The following DAAM1 variants were observed in gnomAD, a reference collection of about 807,000 sequenced individuals.
DAAM1 encodes the protein dishevelled associated activator of morphogenesis 1.
A neutral mutation model predicts 130.0 loss-of-function variants in DAAM1; 52 were observed. The ratio of observed to expected loss-of-function variants is 0.40; its 90% confidence interval spans 0.32 to 0.50. The LOEUF is 0.50. DAAM1 is among the 20% of genes least tolerant of loss of function. The pLI is 0.61. For synonymous variants in DAAM1, 452 were observed against 444.5 expected (o/e 1.02, Z -0.21); for missense variants, 1,134 against 1,303.8 (o/e 0.87, Z 2.01).
intron 16 of DAAM1, among the ~76,000 whole-genome samples, chr14:59,343,488 CT>C (rs146320142): frequency 0.05 from 7,671 of 152,282 alleles, 243 homozygotes; most frequent in Middle Eastern, 0.082. Context: ...TTCCCAGAGA[CT>C]GGTGAACTTC....
intron 23 of DAAM1, among the ~76,000 whole-genome samples, chr14:59,364,478 T>C (rs574597872): frequency 6.6e-6 from 1 of 152,270 alleles, no homozygotes; most frequent in South Asian, 2.1e-4. Flanking sequence ...TCAGGTTGTT[T>C]CCTCTTCCAA....
At chr14:59,192,825 G>A (rs1204070044) in intron 1 of DAAM1, among the ~76,000 whole-genome samples, 3 of 152,328 alleles carry the variant, frequency 2.0e-5, no homozygotes, top group African/African-American at 4.8e-5. Context: ...AGGCCAAGTC[G>A]GGAGGATCAT....
chr14:59,196,054 C>T (rs1770518), intron 1 of DAAM1, among the ~76,000 whole-genome samples: 19,388 of 152,128 alleles, frequency 0.13, 1,399 homozygotes, highest in Middle Eastern at 0.2. Context: ...GCTAAGGAAC[C>T]GTATGCTTCT....
At chr14:59,209,747 A>G (rs1326366602) in intron 1 of DAAM1, among the ~76,000 whole-genome samples, 3 of 152,186 alleles carry the variant, frequency 2.0e-5, no homozygotes, top group African/African-American at 4.8e-5. Context: ...AGTGTTATCA[A>G]CATACAATGG....
chr14:59,278,749 C>T (rs1883082730), intron 2 of DAAM1, among the ~76,000 whole-genome samples: 1 of 152,058 alleles, frequency 6.6e-6, no homozygotes, highest in African/African-American at 2.4e-5. Context: ...ATGTAACTTT[C>T]AAAGAAAGGA....
intron 3 of DAAM1, among the ~76,000 whole-genome samples, chr14:59,292,267 G>A (rs1486237024): frequency 6.6e-6 from 1 of 152,180 alleles, no homozygotes; most frequent in Non-Finnish European, 1.5e-5. Context: ...AGGGAAACAG[G>A]AACAAACTAT....
At chr14:59,243,255 A>G (rs1881208777) in intron 1 of DAAM1, among the ~76,000 whole-genome samples, 1 of 152,050 alleles carries the variant, frequency 6.6e-6, no homozygotes, top group African/African-American at 2.4e-5. Flanking sequence ...AGCTTTCTTC[A>G]CTGCTTTGTG....
At chr14:59,286,964 G>A (rs1439965109) in intron 2 of DAAM1, among the ~76,000 whole-genome samples, 2 of 152,016 alleles carry the variant, frequency 1.3e-5, no homozygotes, top group Non-Finnish European at 1.5e-5. Flanking sequence ...ACCAAAGACT[G>A]GCAGAGACAC....
At chr14:59,346,142 G>A (rs1044404368) in intron 16 of DAAM1, among the ~76,000 whole-genome samples, 3 of 129,480 alleles carry the variant, frequency 2.3e-5, no homozygotes, top group Admixed American at 7.2e-5. Context: ...TTTTTTTGGG[G>A]GGGGGGGGGT....
chr14:59,256,665 G>A (rs768929823), intron 1 of DAAM1, among the ~76,000 whole-genome samples: 8 of 152,178 alleles, frequency 5.3e-5, no homozygotes, highest in Non-Finnish European at 1.0e-4. Flanking sequence ...CTCTTCCTCA[G>A]GCTGATCTGA....
At chr14:59,216,902 G>A (rs577183550) in intron 1 of DAAM1, among the ~76,000 whole-genome samples, 2 of 125,908 alleles carry the variant, frequency 1.6e-5, no homozygotes, top group South Asian at 6.0e-4. Context: ...TATATACTAT[G>A]TGTATGTCTA....
chr14:59,330,816 A>C lies in DAAM1; in HGVS notation c.1560+128A>C, dbSNP rs1885399210. 4 of 978,030 alleles carry C rather than the reference A, an allele frequency of 4.1e-6. No individual in the cohort carries two copies. In the East Asian group the frequency reaches 8.2e-5, roughly 20 times the overall value. The allele number at this position is 978,030 out of a possible 1,614,324, so 60.6% of individuals were successfully genotyped here. On this transcript the variant is annotated intron_variant, in intron 13 of 24. Transcript: ENST00000360909. ...AAATGGCTCATGATTCATCACAATT[A>C]GGAGACTCACTCCCTCTGCTATCAT...
chr14:59,327,579 T>C (rs1430241760), intron 12 of DAAM1, among the ~76,000 whole-genome samples: 1 of 151,942 alleles, frequency 6.6e-6, no homozygotes, highest in Non-Finnish European at 1.5e-5. Flanking sequence ...GGCTAATTTT[T>C]TGTATTTTTA....
chr14:59,352,956 T>G (rs12878070), intron 18 of DAAM1, among the ~76,000 whole-genome samples: 58,846 of 149,824 alleles, frequency 0.39, 13,541 homozygotes, highest in East Asian at 0.84. Flanking sequence ...GTCTCATACT[T>G]CCAAGTAGCT....
At chr14:59,364,845 A>G (rs1250470729) in intron 23 of DAAM1, among the ~76,000 whole-genome samples, 1 of 150,424 alleles carries the variant, frequency 6.6e-6, no homozygotes, top group Non-Finnish European at 1.5e-5. Flanking sequence ...CTGCTGTCAG[A>G]GGTCCAACCT....
At chr14:59,353,471 C>T (rs61984521) in intron 18 of DAAM1, among the ~76,000 whole-genome samples, 9,358 of 152,266 alleles carry the variant, frequency 0.061, 373 homozygotes, top group Non-Finnish European at 0.09. Flanking sequence ...GAGAAGTGTA[C>T]GGAACTGTCC....
At chr14:59,308,917 G>T (rs976820014) in intron 3 of DAAM1, among the ~76,000 whole-genome samples, 3 of 152,128 alleles carry the variant, frequency 2.0e-5, no homozygotes, top group African/African-American at 7.2e-5. Context: ...GGCCCAACCG[G>T]ATTTTGGTAA....
At chr14:59,202,563 G>A (rs1440332348) in intron 1 of DAAM1, among the ~76,000 whole-genome samples, 1 of 152,182 alleles carries the variant, frequency 6.6e-6, no homozygotes, top group Non-Finnish European at 1.5e-5. Context: ...ATTTCAGAAT[G>A]CTGTATGTTC....
At chr14:59,221,065 T>G (rs954425679) in intron 1 of DAAM1, among the ~76,000 whole-genome samples, 1 of 152,150 alleles carries the variant, frequency 6.6e-6, no homozygotes, top group African/African-American at 2.4e-5. Flanking sequence ...CCTTAAACCA[T>G]ACCTAACCTC....
Sources: allele counts gnomAD v4.1 joint callset (sites outside exome capture counted in the v4.1 genomes callset), GRCh38; gene constraint gnomAD v4.1.1; transcripts MANE v1.5; gene names NCBI Gene and HGNC (gene_info 2026-07-23, HGNC 2026-07-21).